Variants in MPZL1 observed in about 807,000 individuals in gnomAD.
The protein encoded by MPZL1 is myelin protein zero-like protein 1.
In MPZL1, 16 loss-of-function variants were observed where a neutral mutation model predicts 29.3. The observed-to-expected ratio is 0.55, with a 90% CI of 0.37 to 0.83. The LOEUF (loss-of-function observed/expected upper bound fraction) is 0.83. Ranked by LOEUF, MPZL1 falls within the 40% of genes least tolerant of loss-of-function variation. The pLI is 0.00. For synonymous variants in MPZL1, 143 were observed against 132.0 expected (o/e 1.08, Z -0.57); for missense variants, 279 against 332.9 (o/e 0.84, Z 1.26).
intron 1 of MPZL1, among the ~76,000 whole-genome samples, chr1:167,761,878 A>G (rs1008449357): frequency 1.3e-5 from 2 of 152,186 alleles, no homozygotes; most frequent in Non-Finnish European, 2.9e-5. Flanking sequence ...CTGATTGTGT[A>G]TGCAAGGGGG....
At chr1:167,737,734 C>T (rs769418435) in intron 1 of MPZL1, among the ~76,000 whole-genome samples, 173 of 152,288 alleles carry the variant, frequency 1.1e-3, no homozygotes, top group Non-Finnish European at 9.7e-4. Context: ...ATTACCTCTT[C>T]ACTGGGCAGT....
Position 167,745,289 on chromosome 1 carries a change from T to C in MPZL1, c.92-20294T>C, listed in dbSNP as rs1388986811. Among the ~76,000 whole-genome samples the C allele has an allele frequency of 2.0e-5, 3 of 152,196 alleles. No individual in the cohort carries two copies. The South Asian group carries it at 6.2e-4, about 32-fold the overall frequency. On this transcript the variant is annotated intron_variant, in intron 1 of 5. Coordinates refer to ENST00000359523, the MANE Select transcript of MPZL1 (RefSeq NM_003953.6). Reference sequence around the variant, plus strand: ...AATATCAAAAATGATGTCAGACTCTTTATTACAAATATATTTTTAAGTGCT... The same window carrying C: ...AATATCAAAAATGATGTCAGACTCTCTATTACAAATATATTTTTAAGTGCT...
At chr1:167,724,548 A>C (rs1660103046) in intron 1 of MPZL1, among the ~76,000 whole-genome samples, 1 of 152,228 alleles carries the variant, frequency 6.6e-6, no homozygotes, top group Non-Finnish European at 1.5e-5. Context: ...TAGAGCTTGG[A>C]AACATTGATG....
At chr1:167,768,275 T>C (rs1484700075) in intron 2 of MPZL1, among the ~76,000 whole-genome samples, 1 of 152,196 alleles carries the variant, frequency 6.6e-6, no homozygotes, top group Non-Finnish European at 1.5e-5. Context: ...TCTGTTCTCT[T>C]ATGGCATCAC....
chr1:167,779,184 A>G (rs959195280), intron 5 of MPZL1, among the ~76,000 whole-genome samples: 1 of 152,150 alleles, frequency 6.6e-6, no homozygotes, highest in Non-Finnish European at 1.5e-5. Flanking sequence ...GGACAATATC[A>G]AGCAATCTAA....
chr1:167,769,939 A>T (rs1053806555), intron 2 of MPZL1, among the ~76,000 whole-genome samples: 1 of 152,228 alleles, frequency 6.6e-6, no homozygotes, highest in Admixed American at 6.5e-5. Context: ...ATAGGAAGAA[A>T]GAGAATCAAG....
At chr1:167,759,155 C>T (rs1194787981) in intron 1 of MPZL1, among the ~76,000 whole-genome samples, 1 of 152,166 alleles carries the variant, frequency 6.6e-6, no homozygotes, top group Non-Finnish European at 1.5e-5. Context: ...AATTATAAAT[C>T]CTTGGCCTCA....
chr1:167,773,543 C>A, intron 4 of MPZL1, 175 bp downstream of exon 4: 1 of 653,708 alleles, frequency 1.5e-6, no homozygotes, highest in South Asian at 2.5e-5. Context: ...AATCAGTGGG[C>A]CTGCTATTAA....
In MPZL1 at chr1:167,772,817, AG is replaced by A. The variant is rs1316440577; in HGVS notation, c.472+331del. Among the ~76,000 whole-genome samples, 7 of 152,378 alleles carry A rather than the reference AG, an allele frequency of 4.6e-5. No homozygotes were observed. In the East Asian group the frequency reaches 1.3e-3, roughly 29 times the overall value. ...TGGATGTGATGGGCAGTGGGAAAGA[AG>A]GAGATTCATACTGTTTTATATTCTC... On this transcript the variant is annotated intron_variant, in intron 3 of 5. Coordinates refer to ENST00000359523, the MANE Select transcript of MPZL1 (RefSeq NM_003953.6).
intron 1 of MPZL1, among the ~76,000 whole-genome samples, chr1:167,764,842 G>A (rs1426987576): frequency 2.0e-5 from 3 of 151,990 alleles, no homozygotes; most frequent in East Asian, 3.8e-4. Context: ...AAAAAGACAC[G>A]GAAGAAAGTT....
At chr1:167,754,291 A>C (rs983552491) in intron 1 of MPZL1, among the ~76,000 whole-genome samples, 12 of 152,002 alleles carry the variant, frequency 7.9e-5, no homozygotes, top group Admixed American at 6.6e-5. Flanking sequence ...GAGCCACTGC[A>C]CCTGGCACAG....
chr1:167,722,426 C>T (rs554440570), intron 1 of MPZL1, among the ~76,000 whole-genome samples, 184 bp downstream of exon 1: 16 of 152,336 alleles, frequency 1.1e-4, no homozygotes, highest in Non-Finnish European at 2.2e-4. Context: ...CGCGACTGGC[C>T]GGGAAGGCGC....
Position 167,765,580 on chromosome 1 carries a change from C to T in MPZL1, c.92-3C>T. On this transcript the variant is annotated splice_region_variant and splice_polypyrimidine_tract_variant and intron_variant, in intron 1 of 5. Transcript: ENST00000359523. ...TCAACTACCCTTATTCCTTTCTCTTCAGTGACAGCTGGAGTATCAGCCTTG... is the reference window on the plus strand; with the variant it reads ...TCAACTACCCTTATTCCTTTCTCTTTAGTGACAGCTGGAGTATCAGCCTTG... 6.2e-7 allele frequency: 1 copy of T among 1,601,506 alleles called. No individual in the cohort carries two copies. The highest frequency in any genetic ancestry group is 1.1e-5 in the South Asian group (1 of 88,496).
chr1:167,754,079 C>A (rs987814242), intron 1 of MPZL1, among the ~76,000 whole-genome samples: 1 of 152,056 alleles, frequency 6.6e-6, no homozygotes, highest in Non-Finnish European at 1.5e-5. Context: ...TTCGCTGCAA[C>A]CTCTGCCTCC....
intron 1 of MPZL1, among the ~76,000 whole-genome samples, chr1:167,763,821 T>C (rs1357697499): frequency 1.3e-5 from 2 of 152,318 alleles, no homozygotes; most frequent in Middle Eastern, 3.4e-3. Flanking sequence ...AATAATCTAT[T>C]GTTCCCTGTA....
At position 167,739,282 on chromosome 1, in the gene MPZL1, C is replaced by CATATATAT. The variant is rs71959233; in HGVS notation, c.91+17060_91+17067dup. On this transcript the variant is annotated intron_variant, in intron 1 of 5. Transcript: ENST00000359523. ...ATACACATACATATATACATATATACATATATATATATATATATATATATA... is the reference window on the plus strand; with the variant it reads ...ATACACATACATATATACATATATACATATATATATATATATATATATATATATATATA... Among the ~76,000 whole-genome samples the CATATATAT allele has an allele frequency of 8.3e-3, 751 of 90,298 alleles. 8 individuals carry two copies. The highest frequency in any genetic ancestry group is 0.014 in the African/African-American group (220 of 15,806). The allele number at this position is 90,298 out of a possible 152,430, so 59.2% of individuals were successfully genotyped here. A position where few individuals can be genotyped will look rare whatever the true frequency, so the allele number is the denominator to read the frequency against.
At chr1:167,745,056 G>T (rs1417616591) in intron 1 of MPZL1, among the ~76,000 whole-genome samples, 1 of 152,084 alleles carries the variant, frequency 6.6e-6, no homozygotes, top group Non-Finnish European at 1.5e-5. Flanking sequence ...TCCCATGCAG[G>T]TACAAGAATG....
chr1:167,758,058 G>A (rs1309516790), intron 1 of MPZL1, among the ~76,000 whole-genome samples: 3 of 151,874 alleles, frequency 2.0e-5, no homozygotes, highest in Non-Finnish European at 4.4e-5. Flanking sequence ...GGAGGCTGAG[G>A]CCAGAGAATC....
At chr1:167,732,288 A>G (rs1660287837) in intron 1 of MPZL1, among the ~76,000 whole-genome samples, 1 of 152,214 alleles carries the variant, frequency 6.6e-6, no homozygotes, top group African/African-American at 2.4e-5. Context: ...CCTGGGCAAC[A>G]TGGCAAAACT....
Sources: gnomAD v4.1 joint callset for allele counts (sites outside exome capture counted in the v4.1 genomes callset) on GRCh38, gnomAD v4.1.1 for gene constraint, MANE v1.5 for transcripts, NCBI Gene and HGNC (gene_info 2026-07-23, HGNC 2026-07-21) for gene names.